Variants in ZNF83 observed in about 807,000 individuals in gnomAD.
The protein encoded by ZNF83 is zinc finger protein 816B.
For synonymous variants in ZNF83, 209 were observed against 213.0 expected (o/e 0.98, Z 0.17); for missense variants, 552 against 629.9 (o/e 0.88, Z 1.32).
intron 1 of ZNF83, among the ~76,000 whole-genome samples, chr19:52,689,494 C>G (rs967538747): frequency 2.0e-5 from 3 of 152,112 alleles, no homozygotes; most frequent in African/African-American, 7.2e-5. Context: ...TCTGCCCTGG[C>G]TCCAAATCCC....
intron 1 of ZNF83, among the ~76,000 whole-genome samples, chr19:52,687,982 T>C (rs2062075993): frequency 6.6e-6 from 1 of 151,990 alleles, no homozygotes; most frequent in Admixed American, 6.6e-5. Context: ...GGATTCCAAC[T>C]GGAAGCTAAC....
intron 2 of ZNF83, among the ~76,000 whole-genome samples, chr19:52,627,973 T>C (rs976908321): frequency 6.6e-6 from 1 of 152,052 alleles, no homozygotes; most frequent in Non-Finnish European, 1.5e-5. Context: ...TCATCCTGGC[T>C]CAAAAGCTCC....
At chr19:52,655,408 T>C (rs2061492330) in intron 3 of ZNF83, 1 of 751,010 alleles carries the variant, frequency 1.3e-6, no homozygotes, top group Non-Finnish European at 2.2e-6. Context: ...TAAGAAGCTG[T>C]CTATGACAGA....
exon 3 of ZNF83, chr19:52,614,445 A>G (rs1309282648): frequency 6.2e-7 from 1 of 1,613,306 alleles, no homozygotes; most frequent in Non-Finnish European, 8.5e-7. Flanking sequence ...CCATGTGATC[A>G]TATTTATATA....
At chr19:52,647,904 C>T (rs2061393488) in intron 3 of ZNF83, among the ~76,000 whole-genome samples, 1 of 151,456 alleles carries the variant, frequency 6.6e-6, no homozygotes, top group African/African-American at 2.4e-5. Context: ...CCTGTTATAC[C>T]CCTCTGTACC....
chr19:52,659,394 G>C (rs948126504), intron 2 of ZNF83, among the ~76,000 whole-genome samples: 1 of 152,034 alleles, frequency 6.6e-6, no homozygotes, highest in African/African-American at 2.4e-5. Context: ...GTTTCATCAC[G>C]GGACAATAGT....
intron 1 of ZNF83, among the ~76,000 whole-genome samples, chr19:52,666,349 T>C (rs1383588633): frequency 6.6e-6 from 1 of 152,020 alleles, no homozygotes. Flanking sequence ...TTAAAACCTA[T>C]AATTGATAAT....
chr19:52,630,488 T>A (rs1366934902), intron 2 of ZNF83, among the ~76,000 whole-genome samples: 4 of 152,284 alleles, frequency 2.6e-5, no homozygotes, highest in Middle Eastern at 3.4e-3. Context: ...CACTCTTTTA[T>A]GCACTCTTTT....
intron 1 of ZNF83, among the ~76,000 whole-genome samples, chr19:52,674,865 TC>T (rs1209064645): frequency 6.6e-6 from 1 of 152,106 alleles, no homozygotes; most frequent in Non-Finnish European, 1.5e-5. Flanking sequence ...CCCATACAAA[TC>T]CCTATCAGTT....
In ZNF83 at chr19:52,654,341, T is replaced by C. The variant is rs1332415472; in HGVS notation, c.-74+1220A>G. 5 of 1,375,788 alleles carry C rather than the reference T, an allele frequency of 3.6e-6. No individual in the cohort carries two copies. In the East Asian group the frequency reaches 9.2e-5, roughly 25 times the overall value. 85.2% of individuals were successfully genotyped at this position (1,375,788 alleles called of 1,614,324 possible). The stretch of plus-strand genomic sequence containing the variant: ...TGTCTTTGCAATGTCCCTGTGTGGA[T>C]CACTTCTCCTGTATTACCGTGCCCT... On this transcript the variant is annotated intron_variant, in intron 3 of 5. Transcript: ENST00000594682.
intron 1 of ZNF83, among the ~76,000 whole-genome samples, chr19:52,687,181 CA>C (rs755729915): frequency 0.015 from 1,571 of 104,312 alleles, 16 homozygotes; most frequent in Non-Finnish European, 0.023. Flanking sequence ...AACTCCATCT[CA>C]AAAAAAAAAA....
intron 1 of ZNF83, chr19:52,637,041 TTTC>T (rs1468554633): frequency 6.6e-6 from 1 of 152,292 alleles, no homozygotes; most frequent in African/African-American, 2.4e-5. Flanking sequence ...CTTGTTTTCT[TTTC>T]TTTTTACCTG....
chr19:52,679,006 T>C (rs1267047160), intron 1 of ZNF83, among the ~76,000 whole-genome samples: 4 of 150,696 alleles, frequency 2.7e-5, no homozygotes, highest in South Asian at 2.1e-4. Flanking sequence ...CACTAAAATA[T>C]AGGGATTTCA....
At chr19:52,676,999 C>A (rs1433907319) in intron 1 of ZNF83, among the ~76,000 whole-genome samples, 1 of 146,064 alleles carries the variant, frequency 6.8e-6, no homozygotes, top group Non-Finnish European at 1.5e-5. Context: ...CGGAAGGCCG[C>A]AGGGTCCTCT....
intron 1 of ZNF83, among the ~76,000 whole-genome samples, chr19:52,678,449 C>CAAAAAAAAA (rs11387898): frequency 9.1e-6 from 1 of 109,682 alleles, no homozygotes; most frequent in Non-Finnish European, 1.8e-5. Flanking sequence ...GACTTCATCT[C>CAAAAAAAAA]AAAAAAAAAA....
intron 1 of ZNF83, among the ~76,000 whole-genome samples, chr19:52,679,442 C>G (rs116263641): frequency 0.015 from 2,236 of 152,144 alleles, 38 homozygotes; most frequent in African/African-American, 0.047. Context: ...GAAACTCCGA[C>G]TCTACTAAAA....
At chr19:52,632,449 CA>C (rs1181419215) in intron 2 of ZNF83, among the ~76,000 whole-genome samples, 1 of 152,148 alleles carries the variant, frequency 6.6e-6, no homozygotes, top group Non-Finnish European at 1.5e-5. Flanking sequence ...GACACCAGAC[CA>C]ACTTGGACTG....
chr19:52,614,381 TAGA>T, exon 3 of ZNF83: 1 of 1,612,970 alleles, frequency 6.2e-7, no homozygotes, highest in Non-Finnish European at 8.5e-7. Flanking sequence ...GTTTTGACAG[TAGA>T]AGAAATACGT....
At chr19:52,643,339 A>G (rs2061331863), upstream of ZNF83, among the ~76,000 whole-genome samples, 1 of 144,814 alleles carries the variant, frequency 6.9e-6, no homozygotes, top group Non-Finnish European at 1.5e-5. Flanking sequence ...TGGACCACAG[A>G]GTCAGACTCT....
Sources: gnomAD v4.1 joint callset for allele counts (sites outside exome capture counted in the v4.1 genomes callset) on GRCh38, gnomAD v4.1.1 for gene constraint, MANE v1.5 for transcripts, NCBI Gene and HGNC (gene_info 2026-07-23, HGNC 2026-07-21) for gene names.